The following GRIK1 variants were observed in gnomAD, a reference collection of about 807,000 sequenced individuals.
GRIK1 encodes the protein glutamate ionotropic receptor kainate type subunit 1.
A neutral mutation model predicts 105.7 loss-of-function variants in GRIK1; 69 were observed. That is an observed-to-expected ratio of 0.65 (90% CI 0.54 to 0.80). GRIK1 has a LOEUF of 0.80. Ranked by LOEUF, GRIK1 falls within the 30% of genes least tolerant of loss-of-function variation. GRIK1 has a pLI of 0.00. For missense variants in GRIK1, 1,109 were observed against 1,167.3 expected (o/e 0.95, Z 0.73); for synonymous variants, 438 against 431.3 (o/e 1.02, Z -0.19).
At chr21:29,891,271 C>T (rs546270259) in intron 1 of GRIK1, among the ~76,000 whole-genome samples, 24 of 152,164 alleles carry the variant, frequency 1.6e-4, no homozygotes, top group East Asian at 3.9e-4. Flanking sequence ...AGCAGGAATC[C>T]GATCATTCAG....
At chr21:29,831,723 A>AT (rs1164175873) in intron 1 of GRIK1, among the ~76,000 whole-genome samples, 1 of 152,082 alleles carries the variant, frequency 6.6e-6, no homozygotes, top group East Asian at 1.9e-4. Context: ...AACACCAAGG[A>AT]TAAAAATTCA....
intron 1 of GRIK1, among the ~76,000 whole-genome samples, chr21:29,911,912 T>C (rs1602025399): frequency 6.6e-6 from 1 of 152,108 alleles, no homozygotes; most frequent in Admixed American, 6.6e-5. Flanking sequence ...GCAGCTCAAA[T>C]AGACTAACAC....
At chr21:29,698,196 T>C (rs1482702234) in intron 1 of GRIK1, among the ~76,000 whole-genome samples, 1 of 152,114 alleles carries the variant, frequency 6.6e-6, no homozygotes, top group East Asian at 1.9e-4. Flanking sequence ...GGCCCATTGG[T>C]TTGAGATGAG....
intron 16 of GRIK1, among the ~76,000 whole-genome samples, chr21:29,551,222 C>A (rs73897697): frequency 0.067 from 10,194 of 152,260 alleles, 425 homozygotes; most frequent in Admixed American, 0.13. Flanking sequence ...AGTAAAGGAA[C>A]ATTTAGAGTG....
At position 29,683,750 on chromosome 21, in the gene GRIK1, T is replaced by C. The variant is rs539961075; in HGVS notation, c.544+5978A>G. On this transcript the variant is annotated intron_variant, in intron 3 of 17. Coordinates refer to ENST00000327783, the MANE Select transcript of GRIK1 (RefSeq NM_001330994.2). ...ATACCCATGCAACGACCTTCATATG[T>C]ACCCTTTAATCTAAACCAAAAGTTG... Among the ~76,000 whole-genome samples, 4 of 152,346 alleles carry C rather than the reference T, an allele frequency of 2.6e-5. No homozygotes were observed. The South Asian group carries it at 8.3e-4, about 32-fold the overall frequency.
At chr21:29,805,358 G>A (rs992318369) in intron 1 of GRIK1, among the ~76,000 whole-genome samples, 4 of 152,124 alleles carry the variant, frequency 2.6e-5, no homozygotes, top group Non-Finnish European at 5.9e-5. Context: ...AGTAACCGAA[G>A]CCACTAGGTC....
chr21:29,554,064 G>A (rs945936241), intron 16 of GRIK1, among the ~76,000 whole-genome samples: 1 of 152,112 alleles, frequency 6.6e-6, no homozygotes, highest in African/African-American at 2.4e-5. Flanking sequence ...CCCTTAAGGA[G>A]GGCTTCCACT....
At chr21:29,784,939 A>T (rs577886512) in intron 1 of GRIK1, among the ~76,000 whole-genome samples, 1 of 152,340 alleles carries the variant, frequency 6.6e-6, no homozygotes, top group Admixed American at 6.5e-5. Context: ...ATGTAGGCAA[A>T]CAGAAACATC....
chr21:29,712,749 G>A (rs990529894), intron 1 of GRIK1, among the ~76,000 whole-genome samples: 3 of 152,076 alleles, frequency 2.0e-5, no homozygotes, highest in African/African-American at 7.2e-5. Context: ...TATACATTAA[G>A]GAAAGAAACT....
Position 29,588,965 on chromosome 21 carries a change from G to A in GRIK1, c.1443C>T (p.Asp481=), listed in dbSNP as rs780983937. ...GNDRFEGYCL[D]LLKELSNILG... ...GGATGTTTGACAATTCTTTCAACAG[G>A]TCTAGGCAATATCCTTCAAATCTGT... Residue 481 remains aspartate (D), a synonymous_variant, in exon 11 of 18, where the codon GAC becomes GAT. Coordinates refer to ENST00000327783, the MANE Select transcript of GRIK1 (RefSeq NM_001330994.2). The A allele has an allele frequency of 5.6e-6, 9 of 1,600,792 alleles. No homozygotes were observed. The highest frequency in any genetic ancestry group is 6.8e-6 in the Non-Finnish European group (8 of 1,168,004).
At chr21:29,809,675 C>T (rs1254895372) in intron 1 of GRIK1, among the ~76,000 whole-genome samples, 1 of 152,190 alleles carries the variant, frequency 6.6e-6, no homozygotes, top group East Asian at 1.9e-4. Flanking sequence ...CTTGCATTCA[C>T]AACTTGACTA....
Position 29,860,998 on chromosome 21 carries a change from GT to G in GRIK1, c.118+78384del, listed in dbSNP as rs530044419. 1.2e-3 allele frequency among the ~76,000 whole-genome samples: 183 copies of G among 146,492 alleles called. No individual in the cohort carries two copies. The East Asian group carries it at 0.015, about 12-fold the overall frequency. On this transcript the variant is annotated intron_variant, in intron 1 of 17. Coordinates refer to ENST00000327783, the MANE Select transcript of GRIK1 (RefSeq NM_001330994.2). ...TATATTATAAAATTCATTTCATCTGGTTTTTTTTTTTAACTTCTTTCAAAGT... is the reference window on the plus strand; with the variant it reads ...TATATTATAAAATTCATTTCATCTGGTTTTTTTTTTAACTTCTTTCAAAGT...
At chr21:29,791,660 G>A (rs907684429) in intron 1 of GRIK1, among the ~76,000 whole-genome samples, 2 of 152,158 alleles carry the variant, frequency 1.3e-5, no homozygotes, top group African/African-American at 4.8e-5. Flanking sequence ...AAGGTGGGCA[G>A]GCAATTGGTC....
intron 7 of GRIK1, among the ~76,000 whole-genome samples, chr21:29,622,304 G>A (rs1601299832): frequency 6.6e-6 from 1 of 152,158 alleles, no homozygotes; most frequent in African/African-American, 2.4e-5. Flanking sequence ...AAAAGTAGTT[G>A]TTCTTGTATT....
intron 1 of GRIK1, among the ~76,000 whole-genome samples, chr21:29,784,145 G>A (rs2084409953): frequency 6.6e-6 from 1 of 152,136 alleles, no homozygotes; most frequent in Non-Finnish European, 1.5e-5. Context: ...AAGCTTAACA[G>A]TAAATCACAC....
At chr21:29,684,282 CT>C (rs1348509087) in intron 3 of GRIK1, among the ~76,000 whole-genome samples, 1 of 151,946 alleles carries the variant, frequency 6.6e-6, no homozygotes, top group Non-Finnish European at 1.5e-5. Context: ...ATCTATCTAT[CT>C]ATCTATCTAT....
intron 6 of GRIK1, among the ~76,000 whole-genome samples, chr21:29,646,989 G>T (rs1353616451): frequency 6.6e-6 from 1 of 152,050 alleles, no homozygotes; most frequent in Non-Finnish European, 1.5e-5. Flanking sequence ...GGGATTACAG[G>T]CGCCTGCCAC....
chr21:29,669,581 C>A (rs1325543125), intron 4 of GRIK1, among the ~76,000 whole-genome samples: 1 of 152,120 alleles, frequency 6.6e-6, no homozygotes, highest in Non-Finnish European at 1.5e-5. Flanking sequence ...AGTCTGGAGA[C>A]CACATGGCAG....
chr21:29,601,353 A>G lies in GRIK1; in HGVS notation c.1099-2416T>C, dbSNP rs531612777. The G allele has an allele frequency of 1.1e-4, 43 of 374,770 alleles. No individual in the cohort carries two copies. The East Asian group carries it at 2.5e-3, about 22-fold the overall frequency. 23.2% of individuals were successfully genotyped at this position (374,770 alleles called of 1,614,324 possible). A position where few individuals can be genotyped will look rare whatever the true frequency, so the allele number is the denominator to read the frequency against. ...CAGCTTTCCAGGGTCTCTAGTTTGC[A>G]GATGGTAGAATGTGGGACTTCTCAG... On this transcript the variant is annotated intron_variant, in intron 7 of 17. Transcript: ENST00000327783.
Sources: allele counts gnomAD v4.1 joint callset (sites outside exome capture counted in the v4.1 genomes callset), GRCh38; gene constraint gnomAD v4.1.1; transcripts MANE v1.5; gene names NCBI Gene and HGNC (gene_info 2026-07-23, HGNC 2026-07-21).